Variants in GCN1 observed in about 807,000 individuals in gnomAD.
GCN1 encodes GCN1 activator of EIF2AK4, also known as stalled ribosome sensor GCN1.
GCN1 carries 90 observed loss-of-function variants against 288.4 expected under a neutral mutation model. The observed-to-expected ratio is 0.31, with a 90% CI of 0.26 to 0.37. The LOEUF (loss-of-function observed/expected upper bound fraction) is 0.37. GCN1 is among the 10% of genes least tolerant of loss of function. The probability of loss-of-function intolerance (pLI) is 1.00; values close to 1 mark genes in which losing one functional copy is unlikely to be tolerated. For synonymous variants in GCN1, 1,386 were observed against 1,420.2 expected, an observed-to-expected ratio of 0.98 and a Z score of 0.54; for missense variants, 2,586 against 3,419.9, an observed-to-expected ratio of 0.76 and a Z score of 6.08.
At chr12:120,151,433 G>T in intron 33 of GCN1, 42 bp from the exon 34 acceptor site, 2 of 1,605,522 alleles carry the variant, frequency 1.2e-6, no homozygotes. Context: ...CTCCGCTGCA[G>T]CCGTTTCATG....
In GCN1 at chr12:120,140,689, G is replaced by A. The variant is rs115677480; in HGVS notation, c.5994+170C>T. Among the ~76,000 whole-genome samples the A allele has an allele frequency of 5.0e-3, 767 of 152,278 alleles. 8 individuals carry two copies. Among genetic ancestry groups the A allele is most frequent in the African/African-American group, 0.018 (739 of 41,544 alleles). ...AAACTGACAGGAAAGCTGAGAAGAC[G>A]GAGCCTCAAGTCCATGTGGCCCAGC... On this transcript the variant is annotated intron_variant, in intron 45 of 57. Transcript: ENST00000300648.
chr12:120,147,818 C>A (rs572097683), intron 37 of GCN1, among the ~76,000 whole-genome samples: 26 of 152,286 alleles, frequency 1.7e-4, no homozygotes, highest in African/African-American at 6.0e-4. Flanking sequence ...AGAACCACAT[C>A]CAGAGTAGTC....
chr12:120,163,506 T>C (rs1878000726), intron 18 of GCN1, among the ~76,000 whole-genome samples: 1 of 152,144 alleles, frequency 6.6e-6, no homozygotes, highest in African/African-American at 2.4e-5. Flanking sequence ...CAGGAACTGG[T>C]CCAGGAGACC....
Position 120,140,966 on chromosome 12 carries a change from C to T in GCN1, c.5887G>A (p.Glu1963Lys), listed in dbSNP as rs756803825. Residue 1963 changes from glutamate (E) to lysine (K), a missense_variant, in exon 45 of 58, where the codon GAG becomes AAG. Around this residue, in one of 8 missense-constraint regions of GCN1, gnomAD observed 437 missense variants for 570.5 expected, o/e 0.77. Coordinates refer to ENST00000300648, the MANE Select transcript of GCN1 (RefSeq NM_006836.2). The stretch of plus-strand genomic sequence containing the variant: ...CCTTCCTCAAGGATGGGGATGATCT[C>T]GGGGAGGATTTTCTCCCCTAACTTC... ...VRKLGEKILPEIIPILEEGLR... is the reference protein window; with the variant it reads ...VRKLGEKILPKIIPILEEGLR... 4 of 1,613,582 alleles carry T rather than the reference C, an allele frequency of 2.5e-6. No homozygotes were observed. Among genetic ancestry groups the T allele is most frequent in the African/African-American group, 1.3e-5 (1 of 74,890 alleles).
rs559739531 is a variant in GCN1, at chr12:120,137,341, C to G, written c.6664-22G>C. The G allele has an allele frequency of 3.8e-6, 6 of 1,587,968 alleles. No individual in the cohort carries two copies. Among genetic ancestry groups the G allele is most frequent in the Non-Finnish European group, 4.3e-6 (5 of 1,156,830 alleles). On this transcript the variant is annotated intron_variant, in intron 49 of 57. Transcript: ENST00000300648. The surrounding 1 kb of genome is among the most constrained non-coding windows in gnomAD (Gnocchi z 5.2). ...GCTTCTGCAGGAATCCAGGAAAAAG[C>G]GAGAGGATGTACAGCCCTCTCAAGA...
At position 120,178,638 on chromosome 12, in the gene GCN1, A is replaced by C; in HGVS notation, c.647T>G (p.Val216Gly). 6.2e-7 allele frequency: 1 copy of C among 1,614,232 alleles called. No homozygotes were observed. The highest frequency in any genetic ancestry group is 8.5e-7 in the Non-Finnish European group (1 of 1,180,048). ...FCTSHKEMDV[V>G]SQHKSALLDF... ...CTTGGCACTTGCCTTGTGCTGACTG[A>C]CCACGTCCATCTCCTTGTGACTCGT... Residue 216 changes from valine to glycine, a missense_variant, in exon 7 of 58, where the codon GTC becomes GGC. Around this residue, in one of 8 missense-constraint regions of GCN1, gnomAD observed 913 missense variants for 1,107.0 expected, o/e 0.82. Transcript: ENST00000300648.
At chr12:120,128,619 G>A (rs1160049282) in intron 57 of GCN1, among the ~76,000 whole-genome samples, 1 of 152,122 alleles carries the variant, frequency 6.6e-6, no homozygotes, top group Non-Finnish European at 1.5e-5. Context: ...TTACAGGCGT[G>A]AGCCACCGCG....
intron 39 of GCN1, 82 bp from the exon 40 acceptor site, chr12:120,145,143 C>G: frequency 1.3e-6 from 2 of 1,571,540 alleles, no homozygotes; most frequent in Admixed American, 3.4e-5. Flanking sequence ...GAAGGGGCAC[C>G]GAGGGCCTCT....
At chr12:120,151,109 C>T in intron 34 of GCN1, 36 bp downstream of exon 34, 1 of 1,600,860 alleles carries the variant, frequency 6.2e-7, no homozygotes, top group African/African-American at 1.3e-5. Flanking sequence ...GGACCAACTT[C>T]CCATGCTGGG....
In GCN1 at chr12:120,131,259, G is replaced by A. The variant is rs775438704; in HGVS notation, c.7489C>T (p.Pro2497Ser). 3 of 1,613,946 alleles carry A rather than the reference G, an allele frequency of 1.9e-6. No homozygotes were observed. The highest frequency in any genetic ancestry group is 3.3e-5 in the Admixed American group (2 of 60,008). ...TATCTGCCGGCACAAAGTCTGCCAG[G>A]AGCCACATTCACAGCCACGGAAAGT... is the stretch of plus-strand genomic sequence containing the variant. ...LALSVAVNVA[P>S]GRLCAGRYSS... Residue 2497 changes from proline (P) to serine (S), a missense_variant, in exon 55 of 58, where the codon CCT (proline) becomes TCT (serine). Around this residue, in one of 8 missense-constraint regions of GCN1, gnomAD observed 355 missense variants for 431.1 expected, o/e 0.82. Coordinates refer to ENST00000300648, the MANE Select transcript of GCN1 (RefSeq NM_006836.2).
At chr12:120,186,866 T>A (rs1227264820) in intron 2 of GCN1, among the ~76,000 whole-genome samples, 2 of 152,170 alleles carry the variant, frequency 1.3e-5, no homozygotes, top group African/African-American at 4.8e-5. Context: ...TTGAAGCAGG[T>A]CACACAGCCT....
Position 120,184,249 on chromosome 12 carries a change from G to C in GCN1, c.186-6C>G, listed in dbSNP as rs1382280587. ...CCCTGCGGGAGGCTGCATCTCTAGG[G>C]GGAGAGGCAAAGGAAAGGGTGAACA... On this transcript the variant is annotated splice_polypyrimidine_tract_variant and splice_region_variant and intron_variant, in intron 3 of 57. Coordinates refer to ENST00000300648, the MANE Select transcript of GCN1 (RefSeq NM_006836.2). The C allele has an allele frequency of 1.2e-6, 2 of 1,610,886 alleles. No individual in the cohort carries two copies. Among genetic ancestry groups the C allele is most frequent in the East Asian group, 2.2e-5 (1 of 44,856 alleles).
intron 1 of GCN1, among the ~76,000 whole-genome samples, chr12:120,190,626 C>T (rs1878973678): frequency 6.6e-6 from 1 of 152,120 alleles, no homozygotes; most frequent in Admixed American, 6.6e-5. Context: ...CTTCCCCACC[C>T]GCCCCAGTTG....
Position 120,155,442 on chromosome 12 carries a change from C to T in GCN1, c.3441-12G>A. On this transcript the variant is annotated splice_polypyrimidine_tract_variant and intron_variant, in intron 29 of 57. Transcript: ENST00000300648. This position sits in a 1 kb window ranked among gnomAD's most constrained non-coding sequence, Gnocchi z 4.9. ...TCATTGACCAGAGCCTGTGGGAGAT[C>T]CAAGGCAGGGGCTGCTTAGACAAAG... 6.2e-7 allele frequency: 1 copy of T among 1,612,016 alleles called. No individual in the cohort carries two copies. Among genetic ancestry groups the T allele is most frequent in the East Asian group, 2.2e-5 (1 of 44,862 alleles).
chr12:120,174,963 T>C (rs1878432192), intron 12 of GCN1, among the ~76,000 whole-genome samples, 199 bp downstream of exon 12: 1 of 149,222 alleles, frequency 6.7e-6, no homozygotes, highest in Non-Finnish European at 1.5e-5. Flanking sequence ...CCATCTCTAC[T>C]AAAAATACAA....
intron 5 of GCN1, among the ~76,000 whole-genome samples, chr12:120,180,270 G>A (rs1305334508): frequency 6.6e-6 from 1 of 152,022 alleles, no homozygotes; most frequent in African/African-American, 2.4e-5. Flanking sequence ...GTTGCGGTGA[G>A]CCGAGATCAC....
intron 36 of GCN1, among the ~76,000 whole-genome samples, chr12:120,148,778 G>A (rs1434799474): frequency 6.6e-6 from 1 of 151,840 alleles, no homozygotes; most frequent in Non-Finnish European, 1.5e-5. Context: ...CCCAACTAGA[G>A]CAGCTCTACT....
intron 10 of GCN1, 68 bp from the exon 11 acceptor site, chr12:120,175,942 T>G: frequency 6.4e-7 from 1 of 1,553,070 alleles, no homozygotes; most frequent in Non-Finnish European, 8.7e-7. Context: ...TCTTTGTCTT[T>G]TCCATGCCCC....
chr12:120,162,021 G>C lies in GCN1; in HGVS notation c.2201C>G (p.Ser734Trp), dbSNP rs370035243. ...MNAMGSLSVL[S>W]PDRVLPQLIS... Reference sequence around the variant, plus strand: ...GAGCTGTGGGAGGACCCGGTCCGGCGACAGGACGGAAAGGGAGCCCATGGC... The same window carrying C: ...GAGCTGTGGGAGGACCCGGTCCGGCCACAGGACGGAAAGGGAGCCCATGGC... The change falls in exon 21 of 58, where the codon TCG becomes TGG. Residue 734 changes from serine (S) to tryptophan (W), a missense_variant. Ser to Trp is a radical substitution (Grantham distance 177). This residue lies in a region of GCN1 where 913 missense variants were observed against 1,107.0 expected (regional missense o/e 0.82). Transcript: ENST00000300648. The C allele has an allele frequency of 2.5e-6, 4 of 1,613,460 alleles. No individual in the cohort carries two copies. Among genetic ancestry groups the C allele is most frequent in the South Asian group, 2.2e-5 (2 of 91,050 alleles).
Sources: allele counts gnomAD v4.1 joint callset (sites outside exome capture counted in the v4.1 genomes callset), GRCh38; gene constraint gnomAD v4.1.1; regional missense constraint gnomAD v4.1.1; non-coding constraint Gnocchi (gnomAD v3.1); transcripts MANE v1.5; gene names NCBI Gene and HGNC (gene_info 2026-07-23, HGNC 2026-07-21).